The following SPHKAP variants were observed in gnomAD, a reference collection of about 807,000 sequenced individuals.
The protein encoded by SPHKAP is A-kinase anchor protein SPHKAP.
A neutral mutation model predicts 137.5 loss-of-function variants in SPHKAP; 67 were observed. The observed-to-expected ratio is 0.49, with a 90% confidence interval of 0.40 to 0.60. The LOEUF is 0.60. Among genes scored for constraint, SPHKAP ranks in the 20% least tolerant of loss-of-function variants. The pLI is 0.00. For synonymous variants in SPHKAP, 813 were observed against 785.3 expected, an observed-to-expected ratio of 1.04 and a Z score of -0.59; for missense variants, 2,097 against 2,069.3, an observed-to-expected ratio of 1.01 and a Z score of -0.26.
chr2:227,981,593 A>G lies in SPHKAP; in HGVS notation c.*124T>C. On this transcript the variant is annotated 3_prime_UTR_variant, in exon 12 of 12. Coordinates refer to ENST00000392056, the MANE Select transcript of SPHKAP (RefSeq NM_001142644.2). The stretch of plus-strand genomic sequence containing the variant: ...TGTATGCAGTGGATCTGAGTAGCAG[A>G]TTTTTTTTTATAGTTCTGCTAATGT... The G allele has an allele frequency of 1.6e-6, 2 of 1,285,274 alleles. No homozygotes were observed. The highest frequency in any genetic ancestry group is 3.2e-5 in the South Asian group (2 of 62,446). The allele number at this position is 1,285,274 out of a possible 1,614,324, so 79.6% of individuals were successfully genotyped here.
chr2:228,079,773 C>T (rs1384093984), intron 3 of SPHKAP, among the ~76,000 whole-genome samples: 3 of 152,216 alleles, frequency 2.0e-5, no homozygotes, highest in African/African-American at 7.2e-5. Flanking sequence ...CCACACAAAC[C>T]TAATCATCAG....
rs1694621899 is a variant in SPHKAP at position 228,016,881 on chromosome 2, C to A, written c.3973G>T (p.Val1325Leu). Reference protein sequence around the residue: ...EALMRKNKIIVDDAEEADTEP... With the variant: ...EALMRKNKIILDDAEEADTEP... Reference sequence around the variant, plus strand: ...GTGTCAGCTTCCTCTGCATCATCCACAATGATTTTGTTCTTGCGCATGAGA... The same window carrying A: ...GTGTCAGCTTCCTCTGCATCATCCAAAATGATTTTGTTCTTGCGCATGAGA... Residue 1325 changes from valine to leucine, a missense_variant, in exon 7 of 12, where the codon GTG becomes TTG. By Grantham distance (32) the Val-to-Leu change is conservative (BLOSUM62 1). Transcript: ENST00000392056. 1 of 1,613,984 alleles carries A rather than the reference C, an allele frequency of 6.2e-7. No individual in the cohort carries two copies. The highest frequency in any genetic ancestry group is 1.3e-5 in the African/African-American group (1 of 74,902).
intron 8 of SPHKAP, 105 bp downstream of exon 8, chr2:227,995,404 T>C: frequency 7.2e-7 from 1 of 1,396,794 alleles, no homozygotes; most frequent in South Asian, 1.2e-5. Context: ...TTTTGTTCTC[T>C]CCTTCTCTCT....
chr2:228,083,727 T>C (rs1415625351), intron 3 of SPHKAP, among the ~76,000 whole-genome samples: 1 of 152,142 alleles, frequency 6.6e-6, no homozygotes, highest in Non-Finnish European at 1.5e-5. Flanking sequence ...ATGTGGCACA[T>C]ATACACCATG....
At chr2:228,057,399 T>C (rs1696483510) in intron 3 of SPHKAP, among the ~76,000 whole-genome samples, 1 of 152,200 alleles carries the variant, frequency 6.6e-6, no homozygotes, top group Non-Finnish European at 1.5e-5. Flanking sequence ...TATCTGCATC[T>C]CAAAACTTAT....
intron 3 of SPHKAP, among the ~76,000 whole-genome samples, chr2:228,043,305 GAGTT>G (rs1216982314): frequency 1.3e-5 from 2 of 152,104 alleles, no homozygotes; most frequent in Non-Finnish European, 2.9e-5. Context: ...ACATTTAAAA[GAGTT>G]AGTTGAGGAT....
intron 3 of SPHKAP, among the ~76,000 whole-genome samples, chr2:228,102,609 C>T (rs1188893845): frequency 1.3e-5 from 2 of 152,118 alleles, no homozygotes; most frequent in Non-Finnish European, 2.9e-5. Context: ...TGTTGATAAA[C>T]GTATGGAGTA....
At chr2:228,005,317 G>A (rs555105108) in intron 7 of SPHKAP, among the ~76,000 whole-genome samples, 9 of 150,802 alleles carry the variant, frequency 6.0e-5, no homozygotes, top group South Asian at 4.3e-4. Flanking sequence ...AATGGCCTTC[G>A]TCTCTTTTGA....
intron 3 of SPHKAP, among the ~76,000 whole-genome samples, chr2:228,069,601 G>GTTT (rs915614298): frequency 0.018 from 2,666 of 146,664 alleles, 77 homozygotes; most frequent in African/African-American, 0.062. Context: ...TTTAAAAGAA[G>GTTT]TTTTTTTTTT....
intron 11 of SPHKAP, among the ~76,000 whole-genome samples, chr2:227,983,149 G>A (rs900358202): frequency 6.6e-6 from 1 of 151,964 alleles, no homozygotes; most frequent in African/African-American, 2.4e-5. Flanking sequence ...TGTTTGCTCA[G>A]ACTTCAGAGA....
At chr2:228,126,520 C>A (rs1180531593) in intron 2 of SPHKAP, among the ~76,000 whole-genome samples, 1 of 152,132 alleles carries the variant, frequency 6.6e-6, no homozygotes, top group Admixed American at 6.6e-5. Context: ...ATTTATCTAA[C>A]CTTCCTAGCT....
chr2:228,111,892 ATT>A (rs927974360), intron 2 of SPHKAP, among the ~76,000 whole-genome samples: 4 of 150,868 alleles, frequency 2.7e-5, no homozygotes, highest in Admixed American at 1.3e-4. Context: ...ATCTGCATCT[ATT>A]TTTTTTTGTA....
chr2:228,001,864 C>T (rs1182827828), intron 7 of SPHKAP, among the ~76,000 whole-genome samples: 2 of 152,018 alleles, frequency 1.3e-5, no homozygotes, highest in South Asian at 2.1e-4. Context: ...ATGATGGTTT[C>T]CAGCTTCATC....
intron 2 of SPHKAP, among the ~76,000 whole-genome samples, chr2:228,119,456 T>TACACACACACACACACACACACACAC (rs55846474): frequency 0.034 from 4,590 of 135,458 alleles, 91 homozygotes; most frequent in Middle Eastern, 0.043. Flanking sequence ...AAGCCTAGTA[T>TACACACACACACACACACACACACAC]ACACACACAC....
intron 3 of SPHKAP, among the ~76,000 whole-genome samples, chr2:228,087,136 C>T (rs34423370): frequency 6.6e-6 from 1 of 152,182 alleles, no homozygotes; most frequent in Non-Finnish European, 1.5e-5. Context: ...GAGACCCATG[C>T]TAAGACCAGT....
At chr2:227,994,095 G>T in intron 8 of SPHKAP, 1 of 985,198 alleles carries the variant, frequency 1.0e-6, no homozygotes, top group Non-Finnish European at 1.2e-6. Flanking sequence ...GACATTTGGG[G>T]GATTTTCTCA....
Position 228,083,891 on chromosome 2 carries a change from A to G in SPHKAP, c.246+24941T>C, listed in dbSNP as rs920863333. On this transcript the variant is annotated intron_variant, in intron 3 of 11. Coordinates refer to ENST00000392056, the MANE Select transcript of SPHKAP (RefSeq NM_001142644.2). ...AGTGGGAGTGGAACAATGAGAACAT[A>G]TGGACACAGGGAGGGGGATATCACA... is the stretch of plus-strand genomic sequence containing the variant. Among the ~76,000 whole-genome samples, 4 of 152,232 alleles carry G rather than the reference A, an allele frequency of 2.6e-5. No individual in the cohort carries two copies. In the South Asian group the frequency reaches 8.3e-4, roughly 32 times the overall value.
At chr2:228,002,332 A>AT (rs1693940514) in intron 7 of SPHKAP, among the ~76,000 whole-genome samples, 1 of 152,210 alleles carries the variant, frequency 6.6e-6, no homozygotes, top group South Asian at 2.1e-4. Flanking sequence ...GATGATAAGC[A>AT]TTTTTTCACG....
intron 3 of SPHKAP, among the ~76,000 whole-genome samples, chr2:228,054,019 G>T (rs1230268449): frequency 1.3e-5 from 2 of 152,114 alleles, no homozygotes; most frequent in East Asian, 3.9e-4. Context: ...TGTAATTCTG[G>T]TGCCAGCTCT....
Sources: gnomAD v4.1 joint callset for allele counts (sites outside exome capture counted in the v4.1 genomes callset) on GRCh38, gnomAD v4.1.1 for gene constraint, MANE v1.5 for transcripts, NCBI Gene and HGNC (gene_info 2026-07-23, HGNC 2026-07-21) for gene names.